The following CFTR variants were observed in gnomAD, a reference collection of about 807,000 sequenced individuals.
CFTR encodes cystic fibrosis transmembrane conductance regulator.
A neutral mutation model predicts 171.6 loss-of-function variants in CFTR; 181 were observed. That is an observed-to-expected ratio of 1.05 (90% confidence interval 0.93 to 1.19). The LOEUF is 1.19. CFTR is among the 50% of genes most tolerant of loss of function. The pLI is 0.00. For missense variants in CFTR, 1,968 were observed against 1,734.7 expected, an observed-to-expected ratio of 1.13 and a Z score of -2.39; for synonymous variants, 583 against 608.0, an observed-to-expected ratio of 0.96 and a Z score of 0.60.
chr7:117,488,725 A>G (rs1305620552), intron 1 of CFTR, among the ~76,000 whole-genome samples: 1 of 152,116 alleles, frequency 6.6e-6, no homozygotes, highest in Non-Finnish European at 1.5e-5. Context: ...CCATAAATAC[A>G]AAGAAACAGT....
intron 11 of CFTR, among the ~76,000 whole-genome samples, chr7:117,579,126 C>T (rs1024380065): frequency 2.0e-5 from 3 of 151,338 alleles, no homozygotes; most frequent in Admixed American, 6.6e-5. Flanking sequence ...AGTAGCAAAC[C>T]GTAAAATATT....
rs1179497339 is a variant in CFTR, at chr7:117,532,578, G to A, written c.489+1464G>A. Among the ~76,000 whole-genome samples, 6 of 152,228 alleles carry A rather than the reference G, an allele frequency of 3.9e-5. No individual in the cohort carries two copies. In the East Asian group the frequency reaches 1.2e-3, roughly 29 times the overall value. On this transcript the variant is annotated intron_variant, in intron 4 of 26. Coordinates refer to ENST00000003084, the MANE Select transcript of CFTR (RefSeq NM_000492.4). ...TATTTAGTGGTCAGACTGTAATGCG[G>A]GAAGAGACAGGCATGGGCTAAACGG...
chr7:117,591,962 A>C lies in CFTR; in HGVS notation c.1795A>C (p.Thr599Pro). The change falls in exon 14 of 27, where the codon ACT becomes CCT. Residue 599 changes from threonine (T) to proline (P), a missense_variant. By Grantham distance (38) the Thr-to-Pro change is conservative (BLOSUM62 -1). Coordinates refer to ENST00000003084, the MANE Select transcript of CFTR (RefSeq NM_000492.4). ...TGTCTGTAAACTGATGGCTAACAAA[A>C]CTAGGATTTTGGTCACTTCTAAAAT... ...SCVCKLMANK[T>P]RILVTSKMEH... 1 of 1,592,472 alleles carries C rather than the reference A, an allele frequency of 6.3e-7. No homozygotes were observed. The highest frequency in any genetic ancestry group is 1.2e-5 in the South Asian group (1 of 85,886).
rs1469067554 is a variant in CFTR at position 117,627,389 on chromosome 7, G to T, written c.3469-133G>T. On this transcript the variant is annotated intron_variant, in intron 21 of 26. Coordinates refer to ENST00000003084, the MANE Select transcript of CFTR (RefSeq NM_000492.4). ...TCCAATTATTTCCTGTTAGTTCATT[G>T]AAAAGCCCGACAAATAACCAAGTGA... 5 of 936,632 alleles carry T rather than the reference G, an allele frequency of 5.3e-6. No homozygotes were observed. The Admixed American group carries it at 6.3e-5, about 12-fold the overall frequency. 58.0% of individuals were successfully genotyped at this position (936,632 alleles called of 1,614,324 possible). A position where few individuals can be genotyped will look rare whatever the true frequency, so the allele number is the denominator to read the frequency against.
chr7:117,663,015 A>G (rs1183434790), intron 24 of CFTR, among the ~76,000 whole-genome samples: 3 of 152,146 alleles, frequency 2.0e-5, no homozygotes, highest in African/African-American at 7.2e-5. Context: ...GCCAAGGAAT[A>G]GATGTTTTAA....
rs554371841 is a variant in CFTR, at chr7:117,506,404, G to A, written c.164+2041G>A. Reference sequence around the variant, plus strand: ...TGGGTTTACAGGCACTCGCCACAATGCCTGGCTAATTTTTGTATTTTAGTA... The same window carrying A: ...TGGGTTTACAGGCACTCGCCACAATACCTGGCTAATTTTTGTATTTTAGTA... On this transcript the variant is annotated intron_variant, in intron 2 of 26. Transcript: ENST00000003084. Among the ~76,000 whole-genome samples the A allele has an allele frequency of 6.6e-5, 10 of 152,238 alleles. No homozygotes were observed. The South Asian group carries it at 2.1e-3, about 32-fold the overall frequency.
At chr7:117,633,750 T>C (rs528274844) in intron 22 of CFTR, among the ~76,000 whole-genome samples, 2 of 152,248 alleles carry the variant, frequency 1.3e-5, no homozygotes, top group African/African-American at 4.8e-5. Flanking sequence ...TCTGCAACTA[T>C]TGATTTGAGC....
intron 12 of CFTR, among the ~76,000 whole-genome samples, chr7:117,589,266 T>G (rs1791992163): frequency 6.6e-6 from 1 of 151,988 alleles, no homozygotes; most frequent in Non-Finnish European, 1.5e-5. Flanking sequence ...TGGGATCCAT[T>G]ATGTAGCTCT....
chr7:117,513,864 A>G (rs1354996132), intron 3 of CFTR, among the ~76,000 whole-genome samples: 1 of 152,054 alleles, frequency 6.6e-6, no homozygotes, highest in Non-Finnish European at 1.5e-5. Context: ...TGAATATTTT[A>G]CCCCATCCTA....
At chr7:117,498,722 G>A (rs1798276079) in intron 1 of CFTR, among the ~76,000 whole-genome samples, 1 of 151,950 alleles carries the variant, frequency 6.6e-6, no homozygotes, top group Non-Finnish European at 1.5e-5. Context: ...AATAACTAAA[G>A]CAAAGTGGTA....
rs35701757 is a variant in CFTR at position 117,609,924 on chromosome 7, G to C, written c.2989-595G>C. ...CTAAACAATTTTTAAAATTTTCATA[G>C]AGCCTATGAAAAATGTACTTGCAAA... On this transcript the variant is annotated intron_variant, in intron 18 of 26. Transcript: ENST00000003084. Among the ~76,000 whole-genome samples the C allele has an allele frequency of 4.9e-3, 738 of 151,980 alleles. 4 individuals carry two copies. Among genetic ancestry groups the C allele is most frequent in the African/African-American group, 0.016 (673 of 41,432 alleles).
rs57319132 is a variant in CFTR, at chr7:117,661,983, G to GAAA, written c.3964-2684_3964-2682dup. Among the ~76,000 whole-genome samples the GAAA allele has an allele frequency of 1.6e-4, 14 of 87,508 alleles. 1 individual carries two copies. Among genetic ancestry groups the GAAA allele is most frequent in the East Asian group, 3.9e-4 (1 of 2,592 alleles). 57.4% of individuals were successfully genotyped at this position (87,508 alleles called of 152,430 possible). On this transcript the variant is annotated intron_variant, in intron 24 of 26. Transcript: ENST00000003084. ...CCTTTTCTTGCTGGTTAATTTTACT[G>GAAA]AAAAAAAAAAAAAAAAAAAAAAACC...
intron 22 of CFTR, among the ~76,000 whole-genome samples, chr7:117,632,835 T>C (rs757958605): frequency 2.0e-5 from 3 of 152,178 alleles, no homozygotes; most frequent in Non-Finnish European, 4.4e-5. Context: ...AGGAGATAAG[T>C]GGAATTAAAG....
At chr7:117,609,131 A>G (rs1368884166) in intron 18 of CFTR, among the ~76,000 whole-genome samples, 1 of 152,124 alleles carries the variant, frequency 6.6e-6, no homozygotes, top group Non-Finnish European at 1.5e-5. Context: ...GAGTTTGAGT[A>G]TTTTGATACC....
chr7:117,562,166 A>G (rs1188027388), intron 11 of CFTR, among the ~76,000 whole-genome samples: 2 of 152,152 alleles, frequency 1.3e-5, no homozygotes, highest in Non-Finnish European at 2.9e-5. Context: ...TAGAAATAGT[A>G]TTTCTACTAC....
rs112280743 is a variant in CFTR, at chr7:117,507,400, C to T, written c.165-1634C>T. On this transcript the variant is annotated intron_variant, in intron 2 of 26. Transcript: ENST00000003084. ...CCTAAAACTACATTGCCCAGGGTCA[C>T]TAGAGACCTCTTATGAAATATAACA... is the stretch of plus-strand genomic sequence containing the variant. 4.5e-3 allele frequency among the ~76,000 whole-genome samples: 679 copies of T among 152,368 alleles called. 4 individuals carry two copies. The highest frequency in any genetic ancestry group is 0.015 in the African/African-American group (623 of 41,588).
At chr7:117,619,010 A>T (rs1290871862) in intron 21 of CFTR, among the ~76,000 whole-genome samples, 1 of 152,188 alleles carries the variant, frequency 6.6e-6, no homozygotes, top group Admixed American at 6.5e-5. Flanking sequence ...AATTGTGGCT[A>T]TCTATCTCTA....
intron 14 of CFTR, 101 bp downstream of exon 14, chr7:117,592,758 G>A: frequency 1.9e-6 from 2 of 1,033,998 alleles, no homozygotes; most frequent in Non-Finnish European, 2.6e-6. Context: ...ATAGGATTAG[G>A]ATAAGGTGTA....
At chr7:117,626,327 A>G (rs1316680073) in intron 21 of CFTR, among the ~76,000 whole-genome samples, 1 of 152,098 alleles carries the variant, frequency 6.6e-6, no homozygotes, top group Non-Finnish European at 1.5e-5. Context: ...TCACCTTTTG[A>G]TAAGGAAAAA....
Sources: allele counts gnomAD v4.1 joint callset (sites outside exome capture counted in the v4.1 genomes callset), GRCh38; gene constraint gnomAD v4.1.1; transcripts MANE v1.5; gene names NCBI Gene and HGNC (gene_info 2026-07-23, HGNC 2026-07-21).